MTHFD2L: variants seen among roughly 807,000 people sequenced by gnomAD.
MTHFD2L encodes bifunctional methylenetetrahydrofolate dehydrogenase/cyclohydrolase 2, mitochondrial.
Under a neutral mutation model 34.9 loss-of-function variants are expected in MTHFD2L, and 29 were observed. That is an observed-to-expected ratio of 0.83 (90% confidence interval 0.62 to 1.13). MTHFD2L has a LOEUF of 1.13. MTHFD2L is among the 50% of genes most tolerant of loss of function. The pLI, the probability that MTHFD2L is intolerant of heterozygous loss-of-function variation, is 0.00. For synonymous variants in MTHFD2L, 167 were observed against 155.7 expected, an observed-to-expected ratio of 1.07 and a Z score of -0.54; for missense variants, 481 against 446.5, an observed-to-expected ratio of 1.08 and a Z score of -0.70.
In MTHFD2L at chr4:74,174,696, T is replaced by TG; in HGVS notation, c.328+7dup. Reference sequence around the variant, plus strand: ...AAGAGCTGCCTCTGCTGTAGGTGGGTGTGTGTTTTAGTTGTAATTACTACT... The same window carrying TG: ...AAGAGCTGCCTCTGCTGTAGGTGGGTGGTGTGTTTTAGTTGTAATTACTACT... On this transcript the variant is annotated splice_region_variant and intron_variant, in intron 2 of 7. Coordinates refer to ENST00000325278, the MANE Select transcript of MTHFD2L (RefSeq NM_001144978.3). 1 of 1,470,050 alleles carries TG rather than the reference T, an allele frequency of 6.8e-7. No homozygotes were observed. The allele number at this position is 1,470,050 out of a possible 1,614,324, so 91.1% of individuals were successfully genotyped here.
At chr4:74,181,163 G>C (rs1469944485) in intron 3 of MTHFD2L, among the ~76,000 whole-genome samples, 1 of 152,088 alleles carries the variant, frequency 6.6e-6, no homozygotes, top group African/African-American at 2.4e-5. Context: ...ATAGAATTTG[G>C]TGCAGGGTGA....
At position 74,184,235 on chromosome 4, in the gene MTHFD2L, T is replaced by G. The variant is rs368636199; in HGVS notation, c.451+8832T>G. Among the ~76,000 whole-genome samples the G allele has an allele frequency of 7.9e-5, 12 of 152,292 alleles. No individual in the cohort carries two copies. The South Asian group carries it at 2.1e-3, about 26-fold the overall frequency. ...TAATCCAATTAAACATCAGAGGTTG[T>G]CAAATTGGTTAAAAATCAAGTCCCA... On this transcript the variant is annotated intron_variant, in intron 3 of 7. Coordinates refer to ENST00000325278, the MANE Select transcript of MTHFD2L (RefSeq NM_001144978.3).
intron 6 of MTHFD2L, among the ~76,000 whole-genome samples, chr4:74,250,333 T>A (rs1743125751): frequency 6.6e-6 from 1 of 152,198 alleles, no homozygotes; most frequent in Non-Finnish European, 1.5e-5. Flanking sequence ...AAATGGTAGA[T>A]GTGTAGAGAG....
At chr4:74,262,950 A>C (rs1194192694) in intron 6 of MTHFD2L, among the ~76,000 whole-genome samples, 1 of 151,970 alleles carries the variant, frequency 6.6e-6, no homozygotes, top group Non-Finnish European at 1.5e-5. Flanking sequence ...AATTGAAAGC[A>C]GCTAAAACAT....
rs146639756 is a variant in MTHFD2L, at chr4:74,281,324, C to CATGTGTGTGTGTGT, written c.806-101_806-100insATGTGTGTGTGTGT. ...TTTAAGGAACAATGTATTACACATA[C>CATGTGTGTGTGTGT]GTGTGTGTGTGTGTGTGTGTGTGTG... On this transcript the variant is annotated intron_variant, in intron 6 of 7. Transcript: ENST00000325278. The CATGTGTGTGTGTGT allele has an allele frequency of 5.8e-6, 5 of 867,574 alleles. No individual in the cohort carries two copies. In the Admixed American group the frequency reaches 1.1e-4, roughly 19 times the overall value. The allele number at this position is 867,574 out of a possible 1,614,324, so 53.7% of individuals were successfully genotyped here. A position where few individuals can be genotyped will look rare whatever the true frequency, so the allele number is the denominator to read the frequency against.
chr4:74,127,024 C>A (rs967120799), intron 1 of MTHFD2L, among the ~76,000 whole-genome samples: 1 of 152,100 alleles, frequency 6.6e-6, no homozygotes, highest in African/African-American at 2.4e-5. Flanking sequence ...AGAGGCTTCC[C>A]CTTTGACTTG....
At chr4:74,146,742 C>T (rs1219018800) in intron 1 of MTHFD2L, among the ~76,000 whole-genome samples, 2 of 152,132 alleles carry the variant, frequency 1.3e-5, no homozygotes, top group Non-Finnish European at 2.9e-5. Context: ...ACCCCTTTCT[C>T]TTGCGCAACT....
intron 5 of MTHFD2L, among the ~76,000 whole-genome samples, chr4:74,211,013 T>C (rs972007864): frequency 6.6e-6 from 1 of 152,128 alleles, no homozygotes; most frequent in Non-Finnish European, 1.5e-5. Flanking sequence ...GAATGCTTGT[T>C]ATTTTTACAC....
intron 5 of MTHFD2L, among the ~76,000 whole-genome samples, chr4:74,207,766 CTTT>C (rs768932793): frequency 1.6e-5 from 2 of 128,458 alleles, no homozygotes. Flanking sequence ...TGAAAAAGAA[CTTT>C]TTTTTTTTTT....
At chr4:74,266,999 C>A in intron 6 of MTHFD2L, 1 of 985,318 alleles carries the variant, frequency 1.0e-6, no homozygotes, top group Non-Finnish European at 1.2e-6. Context: ...CTCTGGGGAA[C>A]CTAAAGGGAT....
intron 3 of MTHFD2L, among the ~76,000 whole-genome samples, chr4:74,185,605 C>T (rs1284511093): frequency 6.6e-6 from 1 of 152,116 alleles, no homozygotes; most frequent in Non-Finnish European, 1.5e-5. Flanking sequence ...AATATCACTA[C>T]AGATTCTACA....
At chr4:74,192,202 G>C (rs1354262837) in intron 3 of MTHFD2L, among the ~76,000 whole-genome samples, 2 of 152,106 alleles carry the variant, frequency 1.3e-5, no homozygotes, top group Non-Finnish European at 2.9e-5. Context: ...AGTAGATCAT[G>C]GTAGGAGGGA....
intron 2 of MTHFD2L, 125 bp downstream of exon 2, chr4:74,174,815 A>G: frequency 1.5e-6 from 1 of 658,392 alleles, no homozygotes. Flanking sequence ...ATTATTAAAG[A>G]TTATTCAGTT....
chr4:74,284,978 G>A (rs1350810854), intron 7 of MTHFD2L, among the ~76,000 whole-genome samples: 1 of 152,060 alleles, frequency 6.6e-6, no homozygotes, highest in Non-Finnish European at 1.5e-5. Flanking sequence ...AAGAAAATGT[G>A]GCACATATAC....
upstream of MTHFD2L, among the ~76,000 whole-genome samples, chr4:74,123,049 G>T (rs549662653): frequency 2.4e-4 from 37 of 152,238 alleles, no homozygotes; most frequent in African/African-American, 8.7e-4. Flanking sequence ...CAAATTGAGA[G>T]GTGTGTACAT....
In MTHFD2L at chr4:74,132,759, C is replaced by T. The variant is rs184823665; in HGVS notation, c.-297+7242C>T. Among the ~76,000 whole-genome samples the T allele has an allele frequency of 1.7e-4, 26 of 152,120 alleles. 1 individual carries two copies. Among genetic ancestry groups the T allele is most frequent in the Admixed American group, 5.2e-4 (8 of 15,262 alleles). The stretch of plus-strand genomic sequence containing the variant: ...TAATAATAATGAAAAAAATGCTCTA[C>T]ACTTTAACTCCACACCTCCCACAAA... On this transcript the variant is annotated intron_variant, in intron 1 of 7. Coordinates refer to the MTHFD2L transcript ENST00000433372.
At chr4:74,217,847 A>G (rs1322115888) in intron 5 of MTHFD2L, among the ~76,000 whole-genome samples, 3 of 152,170 alleles carry the variant, frequency 2.0e-5, no homozygotes, top group East Asian at 1.9e-4. Context: ...AAAGTGGTTT[A>G]TCAGTGGGAA....
chr4:74,301,463 C>T (rs547068295), intron 7 of MTHFD2L, among the ~76,000 whole-genome samples: 10 of 151,878 alleles, frequency 6.6e-5, no homozygotes, highest in East Asian at 1.9e-4. Context: ...ACCTAGGTGT[C>T]GGTCCATTTT....
At chr4:74,293,384 G>A (rs1199881028) in intron 7 of MTHFD2L, 1 of 227,050 alleles carries the variant, frequency 4.4e-6, no homozygotes, top group Non-Finnish European at 7.3e-6. Flanking sequence ...TTAATTTAAT[G>A]TAAAGGAAAA....
Sources: gnomAD v4.1 joint callset for allele counts (sites outside exome capture counted in the v4.1 genomes callset) on GRCh38, gnomAD v4.1.1 for gene constraint, MANE v1.5 for transcripts, NCBI Gene and HGNC (gene_info 2026-07-23, HGNC 2026-07-21) for gene names.